Variants in RIPOR2 observed in about 807,000 individuals in gnomAD.
RIPOR2 encodes the protein RHO family interacting cell polarization regulator 2, also known as rho family-interacting cell polarization regulator 2.
Under a neutral mutation model 114.5 loss-of-function variants are expected in RIPOR2, and 39 were observed. That is an observed-to-expected ratio of 0.34 (90% CI 0.26 to 0.44). The LOEUF is 0.44. RIPOR2 is among the 20% of genes least tolerant of loss of function. The pLI is 1.00. For synonymous variants in RIPOR2, 445 were observed against 484.4 expected (o/e 0.92, Z 1.07); for missense variants, 1,007 against 1,255.1 (o/e 0.80, Z 2.99).
chr6:24,995,523 G>A (rs1036175396), intron 1 of RIPOR2, among the ~76,000 whole-genome samples: 2 of 152,226 alleles, frequency 1.3e-5, no homozygotes, highest in Non-Finnish European at 2.9e-5. Context: ...TACACAGTTT[G>A]TCATCCTCTA....
chr6:24,810,227 A>G (rs1441626442), intron 20 of RIPOR2, among the ~76,000 whole-genome samples: 1 of 152,168 alleles, frequency 6.6e-6, no homozygotes, highest in Non-Finnish European at 1.5e-5. Context: ...CGGATGCACT[A>G]TATCAGAATT....
chr6:24,834,031 T>C (rs1760895247), intron 15 of RIPOR2, among the ~76,000 whole-genome samples: 1 of 152,118 alleles, frequency 6.6e-6, no homozygotes, highest in Admixed American at 6.6e-5. Flanking sequence ...GTTCAAATGG[T>C]TGGTGAGTAG....
At chr6:24,989,157 C>CA (rs879778776) in intron 1 of RIPOR2, among the ~76,000 whole-genome samples, 5 of 151,914 alleles carry the variant, frequency 3.3e-5, no homozygotes, top group Non-Finnish European at 7.4e-5. Flanking sequence ...TTTTTAATAT[C>CA]AAAAATCATG....
intron 1 of RIPOR2, among the ~76,000 whole-genome samples, chr6:24,885,438 G>T (rs1465805300): frequency 6.6e-6 from 1 of 151,822 alleles, no homozygotes; most frequent in African/African-American, 2.4e-5. Flanking sequence ...TGGCCAGGCT[G>T]GTCTTAAACT....
rs138254714 is a variant in RIPOR2 at position 24,870,943 on chromosome 6, C to T, written c.424-54G>A. The T allele has an allele frequency of 3.3e-4, 400 of 1,207,968 alleles. 2 individuals carry two copies. In the East Asian group the frequency reaches 0.01, roughly 31 times the overall value. 74.8% of individuals were successfully genotyped at this position (1,207,968 alleles called of 1,614,324 possible). A position where few individuals can be genotyped will look rare whatever the true frequency, so the allele number is the denominator to read the frequency against. ...TAAACATTATCCTTCAAAAGGTTAC[C>T]CATCTTAACAGAATGATTTAGCCCA... On this transcript the variant is annotated intron_variant, in intron 4 of 21. Coordinates refer to ENST00000643898, the MANE Select transcript of RIPOR2 (RefSeq NM_001286445.3).
chr6:24,877,699 T>C (rs992951143), intron 1 of RIPOR2, among the ~76,000 whole-genome samples: 6 of 152,220 alleles, frequency 3.9e-5, no homozygotes, highest in Non-Finnish European at 2.9e-5. Context: ...TTTTTACTTC[T>C]ATATAAGGGT....
intron 20 of RIPOR2, among the ~76,000 whole-genome samples, chr6:24,817,913 T>C (rs571891155): frequency 6.6e-6 from 1 of 151,998 alleles, no homozygotes; most frequent in East Asian, 1.9e-4. Context: ...TAAAAATGAG[T>C]GAAATCACCA....
intron 1 of RIPOR2, among the ~76,000 whole-genome samples, chr6:24,945,584 T>C (rs1561798205): frequency 1.3e-5 from 2 of 152,186 alleles, no homozygotes; most frequent in East Asian, 1.9e-4. Context: ...AAGGTGTAAT[T>C]TGTATGACAA....
chr6:24,956,632 G>A (rs941066326), intron 1 of RIPOR2, among the ~76,000 whole-genome samples: 1 of 152,110 alleles, frequency 6.6e-6, no homozygotes, highest in Non-Finnish European at 1.5e-5. Context: ...AGGAATTTAA[G>A]TAATCTGTTT....
intron 12 of RIPOR2, among the ~76,000 whole-genome samples, chr6:24,846,890 C>G (rs1762353270): frequency 6.6e-6 from 1 of 152,156 alleles, no homozygotes; most frequent in Non-Finnish European, 1.5e-5. Context: ...GACTGAGAAC[C>G]TTTCAAATAG....
intron 8 of RIPOR2, among the ~76,000 whole-genome samples, chr6:24,857,805 G>C (rs1428200383): frequency 6.6e-6 from 1 of 152,204 alleles, no homozygotes; most frequent in African/African-American, 2.4e-5. Context: ...TGGAGAACTA[G>C]TTTGCTCTAA....
intron 1 of RIPOR2, among the ~76,000 whole-genome samples, chr6:24,990,778 G>A (rs996272583): frequency 6.6e-6 from 1 of 152,178 alleles, no homozygotes; most frequent in South Asian, 2.1e-4. Context: ...TAGAGCACGT[G>A]TATGTTAAAT....
intron 1 of RIPOR2, chr6:25,023,853 C>T: frequency 2.7e-6 from 2 of 731,354 alleles, no homozygotes; most frequent in Non-Finnish European, 5.1e-6. Context: ...GGGCTTTGAC[C>T]GGTTCCTAGG....
Position 24,809,463 on chromosome 6 carries a change from C to T in RIPOR2, c.3043+254G>A, listed in dbSNP as rs1488433977. Among the ~76,000 whole-genome samples, 5 of 152,220 alleles carry T rather than the reference C, an allele frequency of 3.3e-5. No individual in the cohort carries two copies. The East Asian group carries it at 9.6e-4, about 29-fold the overall frequency. Reference sequence around the variant, plus strand: ...TTCTTGATTCTAAATAGTACACAGACTGATCAATCCATATAGAAAGTCTCC... The same window carrying T: ...TTCTTGATTCTAAATAGTACACAGATTGATCAATCCATATAGAAAGTCTCC... On this transcript the variant is annotated intron_variant, in intron 21 of 21. Transcript: ENST00000643898.
intron 1 of RIPOR2, among the ~76,000 whole-genome samples, chr6:24,889,660 T>TA (rs1767142904): frequency 6.6e-6 from 1 of 152,122 alleles, no homozygotes; most frequent in Non-Finnish European, 1.5e-5. Flanking sequence ...AAAGCAACTA[T>TA]GTTGCTTTAA....
chr6:24,848,620 G>A (rs1762553142), intron 11 of RIPOR2, among the ~76,000 whole-genome samples: 1 of 152,186 alleles, frequency 6.6e-6, no homozygotes, highest in African/African-American at 2.4e-5. Flanking sequence ...AGCCTCTTGT[G>A]TGGGAAGAGA....
intron 1 of RIPOR2, among the ~76,000 whole-genome samples, chr6:24,953,899 G>A (rs993717370): frequency 2.5e-4 from 12 of 48,000 alleles, no homozygotes; most frequent in African/African-American, 3.7e-4. Flanking sequence ...CCCCTGTCAT[G>A]TAAAACTTAC....
chr6:25,023,552 C>T, intron 1 of RIPOR2: 2 of 773,120 alleles, frequency 2.6e-6, no homozygotes, highest in Non-Finnish European at 2.4e-6. Context: ...AAATTTCAAG[C>T]CCAGGCCTTG....
intron 1 of RIPOR2, among the ~76,000 whole-genome samples, chr6:24,969,015 C>T (rs938294782): frequency 6.6e-6 from 1 of 152,132 alleles, no homozygotes; most frequent in African/African-American, 2.4e-5. Flanking sequence ...TGACTTTCAA[C>T]CACCTTCCCA....
Sources: gnomAD v4.1 joint callset for allele counts (sites outside exome capture counted in the v4.1 genomes callset) on GRCh38, gnomAD v4.1.1 for gene constraint, MANE v1.5 for transcripts, NCBI Gene and HGNC (gene_info 2026-07-23, HGNC 2026-07-21) for gene names.